Variants in PTPRD observed in about 807,000 individuals in gnomAD.
PTPRD encodes protein tyrosine phosphatase receptor type D, also known as receptor-type tyrosine-protein phosphatase delta.
PTPRD carries 34 observed loss-of-function variants against 214.5 expected under a neutral mutation model. The observed-to-expected ratio is 0.16, with a 90% confidence interval of 0.12 to 0.21. PTPRD has a LOEUF of 0.21. Ranked by LOEUF, PTPRD falls within the 10% of genes least tolerant of loss-of-function variation. PTPRD has a pLI of 1.00. For missense variants in PTPRD, 2,545 were observed against 2,398.7 expected (o/e 1.06, Z -1.27); for synonymous variants, 1,128 against 845.7 (o/e 1.33, Z -5.79).
chr9:10,364,088 C>T (rs550372807), intron 2 of PTPRD, among the ~76,000 whole-genome samples: 2 of 146,096 alleles, frequency 1.4e-5, no homozygotes, highest in Non-Finnish European at 3.0e-5. Flanking sequence ...CAAGCTCCCC[C>T]TCCCGGGTTC....
chr9:10,123,726 T>G (rs930327035), intron 3 of PTPRD, among the ~76,000 whole-genome samples: 1 of 152,232 alleles, frequency 6.6e-6, no homozygotes, highest in South Asian at 2.1e-4. Context: ...TACCTTGGAA[T>G]AGTGAATACG....
At chr9:8,649,427 A>G (rs909422069) in intron 12 of PTPRD, among the ~76,000 whole-genome samples, 10 of 152,362 alleles carry the variant, frequency 6.6e-5, no homozygotes, top group Admixed American at 3.9e-4. Flanking sequence ...CTCATCTATC[A>G]ACTGCACACT....
intron 8 of PTPRD, among the ~76,000 whole-genome samples, chr9:9,568,000 G>A (rs1024045620): frequency 6.6e-5 from 10 of 151,202 alleles, no homozygotes; most frequent in African/African-American, 1.2e-4. Flanking sequence ...CTATAATTAC[G>A]GCAGACATCT....
chr9:9,485,889 A>C (rs2095608138), intron 8 of PTPRD, among the ~76,000 whole-genome samples: 1 of 151,970 alleles, frequency 6.6e-6, no homozygotes, highest in Non-Finnish European at 1.5e-5. Context: ...GGGGTGGCTC[A>C]CGCCTGTAAT....
At chr9:10,065,192 A>AAAGAAAGAAAGAAAGAAAGAAAGAAAG (rs1567445453) in intron 3 of PTPRD, among the ~76,000 whole-genome samples, 1 of 143,892 alleles carries the variant, frequency 6.9e-6, no homozygotes, top group Non-Finnish European at 1.6e-5. Flanking sequence ...AGAAAGAAAG[A>AAAGAAAGAAAGAAAGAAAGAAAGAAAG]AAAGGATGCT....
At chr9:8,569,064 T>C (rs933293392) in intron 14 of PTPRD, among the ~76,000 whole-genome samples, 1 of 152,082 alleles carries the variant, frequency 6.6e-6, no homozygotes, top group African/African-American at 2.4e-5. Context: ...CCCAAAAACC[T>C]TCCTTCCTAC....
At chr9:10,508,782 T>A (rs2046969044) in intron 2 of PTPRD, among the ~76,000 whole-genome samples, 1 of 151,516 alleles carries the variant, frequency 6.6e-6, no homozygotes, top group African/African-American at 2.4e-5. Context: ...CATCACACAC[T>A]GGGGCCTGTC....
At chr9:8,386,120 A>C (rs898425433) in intron 37 of PTPRD, among the ~76,000 whole-genome samples, 2 of 152,192 alleles carry the variant, frequency 1.3e-5, no homozygotes, top group Non-Finnish European at 2.9e-5. Flanking sequence ...CAATACCCAC[A>C]ATAACCCTTC....
chr9:10,013,896 G>A (rs2096649932), intron 4 of PTPRD, among the ~76,000 whole-genome samples: 1 of 151,834 alleles, frequency 6.6e-6, no homozygotes. Context: ...TCTTCTTTGT[G>A]TATAGCTCTC....
chr9:9,426,113 G>T (rs535223389), intron 8 of PTPRD, among the ~76,000 whole-genome samples: 5 of 152,188 alleles, frequency 3.3e-5, no homozygotes, highest in African/African-American at 1.2e-4. Context: ...GTGAGGCATC[G>T]CCTCACCCGG....
At chr9:8,480,101 A>G (rs2096848733) in intron 30 of PTPRD, among the ~76,000 whole-genome samples, 1 of 152,202 alleles carries the variant, frequency 6.6e-6, no homozygotes, top group Non-Finnish European at 1.5e-5. Flanking sequence ...TCATCTTTCT[A>G]TTCCCAGAAA....
chr9:8,459,609 G>C (rs1036536940), intron 33 of PTPRD, among the ~76,000 whole-genome samples: 9 of 151,810 alleles, frequency 5.9e-5, no homozygotes, highest in African/African-American at 9.7e-5. Flanking sequence ...CAGTGCCCTA[G>C]GGGAAAAAAT....
At chr9:8,528,968 G>C (rs1275610955) in intron 14 of PTPRD, among the ~76,000 whole-genome samples, 189 bp from the exon 15 acceptor site, 2 of 152,076 alleles carry the variant, frequency 1.3e-5, no homozygotes, top group African/African-American at 4.8e-5. Context: ...CTATGTAAGA[G>C]GCCAACAGAC....
In PTPRD at chr9:8,602,457, T is replaced by C. The variant is rs371529822; in HGVS notation, c.352+30860A>G. 4.6e-5 allele frequency among the ~76,000 whole-genome samples: 7 copies of C among 152,194 alleles called. No individual in the cohort carries two copies. The East Asian group carries it at 9.6e-4, about 21-fold the overall frequency. On this transcript the variant is annotated intron_variant, in intron 14 of 45. Transcript: ENST00000381196. ...AACTTACTATGAGCCTTATCAGGAA[T>C]GAGAATACCAGAGACCATTGTTTCA...
chr9:9,604,847 A>T (rs2094037997), intron 7 of PTPRD, among the ~76,000 whole-genome samples: 1 of 151,944 alleles, frequency 6.6e-6, no homozygotes, highest in South Asian at 2.1e-4. Context: ...AGCCTAGAAT[A>T]TCAAAAAAAG....
intron 5 of PTPRD, among the ~76,000 whole-genome samples, chr9:9,908,654 T>A (rs1164724171): frequency 6.6e-6 from 1 of 152,106 alleles, no homozygotes; most frequent in Non-Finnish European, 1.5e-5. Context: ...ATACTTTCTA[T>A]CCATTTGCTA....
chr9:8,379,630 C>A (rs1465869478), intron 37 of PTPRD, among the ~76,000 whole-genome samples: 1 of 152,138 alleles, frequency 6.6e-6, no homozygotes, highest in Non-Finnish European at 1.5e-5. Flanking sequence ...AACTTTCCTT[C>A]CCCTACTCGG....
chr9:8,485,479 T>G, intron 28 of PTPRD, 155 bp from the exon 29 acceptor site: 1 of 628,478 alleles, frequency 1.6e-6, no homozygotes, highest in South Asian at 2.0e-5. Context: ...TTCATTTTAA[T>G]ACCCCATTCT....
chr9:8,499,608 A>G, intron 25 of PTPRD, 39 bp downstream of exon 25: 1 of 1,571,760 alleles, frequency 6.4e-7, no homozygotes, highest in Non-Finnish European at 8.6e-7. Context: ...AGATAAACTT[A>G]TTATATAAAA....
Sources: gnomAD v4.1 joint callset for allele counts (sites outside exome capture counted in the v4.1 genomes callset) on GRCh38, gnomAD v4.1.1 for gene constraint, MANE v1.5 for transcripts, NCBI Gene and HGNC (gene_info 2026-07-23, HGNC 2026-07-21) for gene names.